Variants in ENPP1 observed in about 807,000 individuals in gnomAD.
ENPP1 encodes the protein ectonucleotide pyrophosphatase/phosphodiesterase 1, also known as ectonucleotide pyrophosphatase/phosphodiesterase family member 1.
Under a neutral mutation model 122.8 loss-of-function variants are expected in ENPP1, and 73 were observed. The ratio of observed to expected loss-of-function variants is 0.59; its 90% CI spans 0.49 to 0.72. ENPP1 has a LOEUF of 0.72. Among genes scored for constraint, ENPP1 ranks in the 30% least tolerant of loss-of-function variants. The pLI is 0.00. For synonymous variants in ENPP1, 367 were observed against 391.6 expected, an observed-to-expected ratio of 0.94 and a Z score of 0.74; for missense variants, 978 against 1,128.1, an observed-to-expected ratio of 0.87 and a Z score of 1.91.
chr6:131,869,725 A>G lies in ENPP1; in HGVS notation c.1405+236A>G, dbSNP rs4897548. 0.32 allele frequency among the ~76,000 whole-genome samples: 49,225 copies of G among 151,672 alleles called. 13,700 individuals carry two copies. Among genetic ancestry groups the G allele is most frequent in the African/African-American group, 0.76 (31,524 of 41,300 alleles). On this transcript the variant is annotated intron_variant, in intron 13 of 24. Transcript: ENST00000647893. ...ACAAAAATTAGCCTGGCTTGGTGGC[A>G]GCTGCCTGTAATCCCAGCTGCTCTG...
At position 131,870,413 on chromosome 6, in the gene ENPP1, C is replaced by T. The variant is rs1188139422; in HGVS notation, c.1405+924C>T. 2.0e-5 allele frequency among the ~76,000 whole-genome samples: 3 copies of T among 152,208 alleles called. No individual in the cohort carries two copies. The East Asian group carries it at 5.8e-4, about 29-fold the overall frequency. On this transcript the variant is annotated intron_variant, in intron 13 of 24. Transcript: ENST00000647893. ...TTTGCCAGTCAAGTGTATTTCATAA[C>T]TGTTTCCACCTCTGTTACCTCCCTC... is the stretch of plus-strand genomic sequence containing the variant.
At chr6:131,814,545 C>A (rs1442874304) in intron 1 of ENPP1, among the ~76,000 whole-genome samples, 1 of 152,142 alleles carries the variant, frequency 6.6e-6, no homozygotes, top group Non-Finnish European at 1.5e-5. Flanking sequence ...CAGAAGCTGG[C>A]ATTATTTGAG....
chr6:131,843,659 CTT>C (rs11442011), intron 1 of ENPP1, among the ~76,000 whole-genome samples: 2 of 140,610 alleles, frequency 1.4e-5, no homozygotes, highest in Non-Finnish European at 1.5e-5. Context: ...GGCATGTCGT[CTT>C]TTTTTTTTTT....
chr6:131,849,951 A>C (rs368826351), intron 2 of ENPP1, 39 bp from the exon 3 acceptor site: 4 of 1,380,952 alleles, frequency 2.9e-6, no homozygotes, highest in African/African-American at 2.8e-5. Flanking sequence ...GAATTATATA[A>C]TGATTAGAAA....
chr6:131,874,150 G>A (rs1052431447), intron 15 of ENPP1, 118 bp from the exon 16 acceptor site: 60 of 724,976 alleles, frequency 8.3e-5, no homozygotes, highest in South Asian at 1.9e-4. Flanking sequence ...TTTATTTACC[G>A]TTGTGTTGGT....
At chr6:131,834,635 G>C (rs1054441743) in intron 1 of ENPP1, among the ~76,000 whole-genome samples, 2 of 150,850 alleles carry the variant, frequency 1.3e-5, no homozygotes, top group Non-Finnish European at 2.9e-5. Flanking sequence ...GGTTCAAGCA[G>C]TTCTCCTGCC....
rs765775332 is a variant in ENPP1, at chr6:131,864,824, A to G, written c.1092-42A>G. The G allele has an allele frequency of 7.1e-6, 9 of 1,271,884 alleles. No individual in the cohort carries two copies. Among genetic ancestry groups the G allele is most frequent in the East Asian group, 2.3e-5 (1 of 43,232 alleles). The allele number at this position is 1,271,884 out of a possible 1,614,324, so 78.8% of individuals were successfully genotyped here. A position where few individuals can be genotyped will look rare whatever the true frequency, so the allele number is the denominator to read the frequency against. ...ATTATTTTTTCCATTCTGTTTTTCA[A>G]TGTGTTCGTAAAATATTACATTTTG... On this transcript the variant is annotated intron_variant, in intron 10 of 24. Coordinates refer to ENST00000647893, the MANE Select transcript of ENPP1 (RefSeq NM_006208.3).
At chr6:131,886,852 G>A (rs1205309463) in intron 24 of ENPP1, 128 bp downstream of exon 24, 1 of 645,976 alleles carries the variant, frequency 1.5e-6, no homozygotes, top group Non-Finnish European at 2.6e-6. Context: ...CGAAATTATA[G>A]GATGCTTTTA....
intron 24 of ENPP1, among the ~76,000 whole-genome samples, chr6:131,889,460 C>G (rs1782433931): frequency 6.6e-6 from 1 of 152,080 alleles, no homozygotes; most frequent in Admixed American, 6.5e-5. Flanking sequence ...CTTCAGCTCC[C>G]TCTTATAATT....
intron 1 of ENPP1, among the ~76,000 whole-genome samples, chr6:131,830,388 G>A (rs1042197622): frequency 7.2e-5 from 11 of 152,156 alleles, no homozygotes; most frequent in African/African-American, 1.4e-4. Context: ...TGGGCAAAGC[G>A]GCTGTCTTTA....
chr6:131,889,380 C>T (rs1782432352), intron 24 of ENPP1, among the ~76,000 whole-genome samples: 1 of 152,050 alleles, frequency 6.6e-6, no homozygotes, highest in African/African-American at 2.4e-5. Context: ...GCTCTCCCTC[C>T]TCCCACCCCC....
intron 20 of ENPP1, among the ~76,000 whole-genome samples, chr6:131,880,798 C>T (rs772270278): frequency 2.0e-5 from 3 of 152,204 alleles, no homozygotes; most frequent in South Asian, 4.2e-4. Flanking sequence ...CATCATTGCA[C>T]GTACCATCTA....
In ENPP1 at chr6:131,890,549, G is replaced by C. The variant is rs191654371; in HGVS notation, c.*38G>C. The stretch of plus-strand genomic sequence containing the variant: ...CCCCAAACACCATGAATCTTTTTGA[G>C]AGAACCTTATATTTTATATAGTCCT... On this transcript the variant is annotated 3_prime_UTR_variant, in exon 25 of 25. Transcript: ENST00000647893. The C allele has an allele frequency of 8.1e-5, 125 of 1,535,700 alleles. No individual in the cohort carries two copies. In the East Asian group the frequency reaches 2.7e-3, roughly 34 times the overall value.
At chr6:131,886,926 C>CTT (rs60409660) in intron 24 of ENPP1, among the ~76,000 whole-genome samples, 3 of 110,628 alleles carry the variant, frequency 2.7e-5, no homozygotes, top group Admixed American at 9.3e-5. Context: ...TTACTTTTTT[C>CTT]TTTTTTTTTT....
At chr6:131,810,909 C>G (rs1326378448) in intron 1 of ENPP1, among the ~76,000 whole-genome samples, 3 of 152,134 alleles carry the variant, frequency 2.0e-5, no homozygotes, top group African/African-American at 7.2e-5. Flanking sequence ...GGCCACCAAG[C>G]TGTGCTTTAG....
intron 1 of ENPP1, among the ~76,000 whole-genome samples, chr6:131,812,961 T>C (rs965407740): frequency 2.0e-5 from 3 of 152,118 alleles, no homozygotes; most frequent in Admixed American, 6.5e-5. Flanking sequence ...TGTCTCAGCC[T>C]CCCAAGTAGC....
chr6:131,816,551 G>T (rs1781417211), intron 1 of ENPP1, among the ~76,000 whole-genome samples: 1 of 152,152 alleles, frequency 6.6e-6, no homozygotes, highest in Non-Finnish European at 1.5e-5. Flanking sequence ...GAAAGACAAT[G>T]TAGGAACACA....
rs771598906 is a variant in ENPP1, at chr6:131,840,417, C to T, written c.241-7359C>T. Among the ~76,000 whole-genome samples the T allele has an allele frequency of 5.9e-5, 9 of 152,196 alleles. No homozygotes were observed. The South Asian group carries it at 8.3e-4, about 14-fold the overall frequency. Reference sequence around the variant, plus strand: ...TTTAAGAAAATAGGAACTAGGCTGTCGTACAGTTGACAAACATTGGTAAAG... The same window carrying T: ...TTTAAGAAAATAGGAACTAGGCTGTTGTACAGTTGACAAACATTGGTAAAG... On this transcript the variant is annotated intron_variant, in intron 1 of 24. Coordinates refer to ENST00000647893, the MANE Select transcript of ENPP1 (RefSeq NM_006208.3).
intron 16 of ENPP1, among the ~76,000 whole-genome samples, chr6:131,874,920 A>T (rs1225723332): frequency 6.6e-6 from 1 of 152,132 alleles, no homozygotes; most frequent in African/African-American, 2.4e-5. Context: ...AGCAACATGG[A>T]TGGAATTGGG....
Sources: gnomAD v4.1 joint callset for allele counts (sites outside exome capture counted in the v4.1 genomes callset) on GRCh38, gnomAD v4.1.1 for gene constraint, MANE v1.5 for transcripts, NCBI Gene and HGNC (gene_info 2026-07-23, HGNC 2026-07-21) for gene names.